NUP35: variants seen among roughly 807,000 people sequenced by gnomAD.
NUP35 encodes nucleoporin NUP35.
In NUP35, 25 loss-of-function variants were observed where a neutral mutation model predicts 41.5. The ratio of observed to expected loss-of-function variants is 0.60; its 90% confidence interval spans 0.44 to 0.84. NUP35 has a LOEUF of 0.84. Among genes scored for constraint, NUP35 ranks in the 40% least tolerant of loss-of-function variants. NUP35 has a pLI of 0.00. For synonymous variants in NUP35, 149 were observed against 130.7 expected (o/e 1.14, Z -0.96); for missense variants, 396 against 396.6 (o/e 1.00, Z 0.01).
rs567614809 is a variant in NUP35, at chr2:183,131,461, A to G, written c.339+916A>G. On this transcript the variant is annotated intron_variant, in intron 3 of 8. Coordinates refer to ENST00000295119, the MANE Select transcript of NUP35 (RefSeq NM_138285.5). ...TGAGAGTTCAAGAATATTAGAAAGC[A>G]TTTTTCAGTGGATTCGTGCTATTTA... The G allele has an allele frequency of 2.0e-5, 3 of 152,380 alleles. No homozygotes were observed. The East Asian group carries it at 5.8e-4, about 29-fold the overall frequency. The allele number at this position is 152,380 out of a possible 1,614,324, so 9.4% of individuals were successfully genotyped here. A position where few individuals can be genotyped will look rare whatever the true frequency, so the allele number is the denominator to read the frequency against.
At chr2:183,157,625 TGA>T in intron 6 of NUP35, 112 bp downstream of exon 6, 1 of 742,942 alleles carries the variant, frequency 1.3e-6, no homozygotes, top group Non-Finnish European at 2.3e-6. Context: ...AATTTTTTTT[TGA>T]GTTTTGATAT....
chr2:183,139,618 G>A (rs896908888), intron 4 of NUP35, among the ~76,000 whole-genome samples: 2 of 152,136 alleles, frequency 1.3e-5, no homozygotes, highest in African/African-American at 4.8e-5. Context: ...AAGGGTCCTT[G>A]TAGGTAAGAG....
chr2:183,149,455 T>C (rs1164791557), intron 4 of NUP35, among the ~76,000 whole-genome samples: 2 of 152,248 alleles, frequency 1.3e-5, no homozygotes, highest in Non-Finnish European at 2.9e-5. Flanking sequence ...ATCTTTTTAG[T>C]GTCTGGCTTA....
At chr2:183,157,627 A>G in intron 6 of NUP35, 114 bp downstream of exon 6, 1 of 725,876 alleles carries the variant, frequency 1.4e-6, no homozygotes, top group South Asian at 1.7e-5. Flanking sequence ...TTTTTTTTTG[A>G]GTTTTGATAT....
At chr2:183,138,265 A>ATTTTTTT (rs1167656474) in intron 4 of NUP35, among the ~76,000 whole-genome samples, 2 of 69,190 alleles carry the variant, frequency 2.9e-5, no homozygotes, top group Non-Finnish European at 2.7e-5. Flanking sequence ...ATATATATAT[A>ATTTTTTT]TATATTTTTT....
rs1208421272 is a variant in NUP35 at position 183,138,245 on chromosome 2, CTA to C, written c.397+4646_397+4647del. Among the ~76,000 whole-genome samples the C allele has an allele frequency of 3.2e-3, 363 of 112,666 alleles. 1 individual carries two copies. Among genetic ancestry groups the C allele is most frequent in the Middle Eastern group, 9.7e-3 (2 of 206 alleles). The allele number at this position is 112,666 out of a possible 152,430, so 73.9% of individuals were successfully genotyped here. ...GAAAACCTAGATTTTTCATTTAGAG[CTA>C]TATATATATATATATATATATATTT... On this transcript the variant is annotated intron_variant, in intron 4 of 8. Coordinates refer to ENST00000295119, the MANE Select transcript of NUP35 (RefSeq NM_138285.5).
At chr2:183,120,462 A>G (rs1010820763), upstream of NUP35, among the ~76,000 whole-genome samples, 1 of 151,352 alleles carries the variant, frequency 6.6e-6, no homozygotes, top group Non-Finnish European at 1.5e-5. Context: ...AAAAAAAAAA[A>G]AGAAAGTTTT....
intron 7 of NUP35, among the ~76,000 whole-genome samples, chr2:183,158,658 C>G (rs1385609494): frequency 6.6e-6 from 1 of 152,048 alleles, no homozygotes; most frequent in Non-Finnish European, 1.5e-5. Context: ...GCTTAAGTAA[C>G]TTGTCCAGAG....
chr2:183,149,463 T>C (rs890630390), intron 4 of NUP35, among the ~76,000 whole-genome samples: 4 of 152,368 alleles, frequency 2.6e-5, no homozygotes, highest in Admixed American at 1.3e-4. Context: ...AGTGTCTGGC[T>C]TAATAAAATA....
intron 4 of NUP35, among the ~76,000 whole-genome samples, chr2:183,147,255 A>G (rs1009462003): frequency 3.3e-5 from 5 of 152,184 alleles, no homozygotes; most frequent in Non-Finnish European, 7.3e-5. Flanking sequence ...CTTTTGCGAT[A>G]TGAGTTGTAA....
intron 4 of NUP35, among the ~76,000 whole-genome samples, chr2:183,141,719 T>G (rs936424057): frequency 9.8e-5 from 15 of 152,346 alleles, no homozygotes; most frequent in African/African-American, 3.6e-4. Context: ...GCTGCTATGG[T>G]ACATACCTAT....
chr2:183,139,694 A>G (rs779168177), intron 4 of NUP35, among the ~76,000 whole-genome samples: 3 of 152,198 alleles, frequency 2.0e-5, no homozygotes, highest in Non-Finnish European at 2.9e-5. Flanking sequence ...TGATGTTCAG[A>G]AGGGGGCAGA....
chr2:183,150,903 T>TTTA (rs1363353774), intron 4 of NUP35, among the ~76,000 whole-genome samples: 1 of 152,234 alleles, frequency 6.6e-6, no homozygotes, highest in Non-Finnish European at 1.5e-5. Context: ...TAAAATGAAC[T>TTTA]TTATAAAGTG....
At chr2:183,150,212 G>A (rs1559153212) in intron 4 of NUP35, among the ~76,000 whole-genome samples, 1 of 152,162 alleles carries the variant, frequency 6.6e-6, no homozygotes, top group Non-Finnish European at 1.5e-5. Flanking sequence ...CCCTTAAAAT[G>A]CTACCTTTTA....
intron 2 of NUP35, among the ~76,000 whole-genome samples, chr2:183,129,464 T>C (rs1684620190): frequency 6.6e-6 from 1 of 152,230 alleles, no homozygotes; most frequent in Non-Finnish European, 1.5e-5. Flanking sequence ...TGCTTTAAAA[T>C]GGTTTATTAT....
chr2:183,149,408 G>A (rs1351264891), intron 4 of NUP35, among the ~76,000 whole-genome samples: 1 of 151,788 alleles, frequency 6.6e-6, no homozygotes, highest in African/African-American at 2.4e-5. Context: ...AAGAAAAAAA[G>A]ATTTGCAGGA....
upstream of NUP35, among the ~76,000 whole-genome samples, chr2:183,123,251 AT>A (rs1700094894): frequency 1.3e-5 from 2 of 152,184 alleles, no homozygotes; most frequent in South Asian, 4.1e-4. Context: ...TAAGAGATAC[AT>A]TTGTGCTGGT....
intron 5 of NUP35, among the ~76,000 whole-genome samples, chr2:183,154,241 C>T (rs894612888): frequency 3.9e-5 from 6 of 152,190 alleles, no homozygotes; most frequent in Non-Finnish European, 8.8e-5. Context: ...AGACATTTTC[C>T]CCATGCTCTT....
At chr2:183,150,351 C>T (rs1227309083) in intron 4 of NUP35, among the ~76,000 whole-genome samples, 3 of 152,166 alleles carry the variant, frequency 2.0e-5, no homozygotes, top group African/African-American at 7.2e-5. Flanking sequence ...ATATTGCTGC[C>T]TCTCTGCTCG....
Sources: gnomAD v4.1 joint callset for allele counts (sites outside exome capture counted in the v4.1 genomes callset) on GRCh38, gnomAD v4.1.1 for gene constraint, MANE v1.5 for transcripts, NCBI Gene and HGNC (gene_info 2026-07-23, HGNC 2026-07-21) for gene names.